TENM1: variants seen among roughly 807,000 people sequenced by gnomAD.
TENM1 encodes teneurin transmembrane protein 1, also known as teneurin-1.
TENM1 carries 35 observed loss-of-function variants against 174.8 expected under a neutral mutation model. The observed-to-expected ratio is 0.20, with a 90% CI of 0.15 to 0.27. TENM1 has a LOEUF of 0.27. Among genes scored for constraint, TENM1 ranks in the 10% least tolerant of loss-of-function variants. The pLI, the probability that TENM1 is intolerant of heterozygous loss-of-function variation, is 1.00. For missense variants in TENM1, 1,633 were observed against 2,130.1 expected (o/e 0.77, Z 4.59); for synonymous variants, 781 against 798.7 (o/e 0.98, Z 0.37).
intron 11 of TENM1, among the ~76,000 whole-genome samples, chrX:124,600,767 C>T (rs2050009061): frequency 9.0e-6 from 1 of 111,673 alleles, no homozygotes; most frequent in South Asian, 3.7e-4. Context: ...TTAGGAGTAT[C>T]AGTCATGACA....
intron 11 of TENM1, among the ~76,000 whole-genome samples, chrX:124,623,558 C>T (rs1172202792): frequency 9.0e-6 from 1 of 111,261 alleles, no homozygotes; most frequent in African/African-American, 3.3e-5. Context: ...AAATGAAGCA[C>T]CTCCCAACTG....
the TENM1 span, among the ~76,000 whole-genome samples, chrX:125,172,784 A>C: frequency 5.4e-5 from 6 of 111,637 alleles, no homozygotes; most frequent in Non-Finnish European, 9.4e-5. Context: ...TTTATGAATG[A>C]ATTATACTCT....
the TENM1 span, among the ~76,000 whole-genome samples, chrX:125,169,368 T>G: frequency 4.5e-5 from 5 of 111,464 alleles, no homozygotes; most frequent in Non-Finnish European, 9.4e-5. Context: ...TAATGTAGGA[T>G]GAAAAAAATA....
At chrX:124,561,778 G>T (rs771000422) in exon 14 of TENM1, 1 of 1,210,853 alleles carries the variant, frequency 8.3e-7, no homozygotes, top group South Asian at 1.8e-5. Context: ...TTGATCCAGG[G>T]TACATCGTCC....
At chrX:124,451,069 G>A (rs1479057171) in intron 23 of TENM1, among the ~76,000 whole-genome samples, 1 of 111,906 alleles carries the variant, frequency 8.9e-6, no homozygotes, top group Non-Finnish European at 1.9e-5. Context: ...TTTATGGAAT[G>A]TTAGAGCTGG....
At chrX:125,099,849 T>C in the TENM1 span, among the ~76,000 whole-genome samples, 4 of 112,060 alleles carry the variant, frequency 3.6e-5, no homozygotes, top group African/African-American at 1.3e-4. Flanking sequence ...ACTATGGACT[T>C]CTAAATTATC....
At chrX:124,629,059 G>C (rs927015849) in intron 11 of TENM1, among the ~76,000 whole-genome samples, 1 of 111,756 alleles carries the variant, frequency 8.9e-6, no homozygotes, top group Non-Finnish European at 1.9e-5. Flanking sequence ...GCCCTGGACT[G>C]CCTGCCTCTA....
chrX:124,934,070 T>C (rs934532182), intron 1 of TENM1, among the ~76,000 whole-genome samples: 1 of 112,289 alleles, frequency 8.9e-6, no homozygotes, highest in African/African-American at 3.2e-5. Flanking sequence ...GTGGATTACA[T>C]ATTTTCAATG....
intron 1 of TENM1, among the ~76,000 whole-genome samples, chrX:124,904,970 T>C (rs1457419009): frequency 1.8e-5 from 2 of 111,424 alleles, no homozygotes; most frequent in African/African-American, 6.5e-5. Flanking sequence ...GTAGCTCTTC[T>C]GACAGCCTGT....
At chrX:124,602,368 G>GA (rs904940526) in intron 11 of TENM1, among the ~76,000 whole-genome samples, 1 of 110,959 alleles carries the variant, frequency 9.0e-6, no homozygotes, top group Non-Finnish European at 1.9e-5. Flanking sequence ...TGGGTCTGTT[G>GA]AAAAAAACCC....
At chrX:124,714,148 AT>A (rs2053125968) in intron 4 of TENM1, among the ~76,000 whole-genome samples, 1 of 111,648 alleles carries the variant, frequency 9.0e-6, no homozygotes, top group Admixed American at 9.6e-5. Flanking sequence ...GGTAGATGAT[AT>A]TATCTGCATT....
chrX:124,926,672 C>T lies in TENM1; in HGVS notation c.218-30431G>A, dbSNP rs139976655. Among the ~76,000 whole-genome samples, 235 of 111,776 alleles carry T rather than the reference C, an allele frequency of 2.1e-3. 1 individual carries two copies. The highest frequency in any genetic ancestry group is 7.4e-3 in the African/African-American group (228 of 30,795). On this transcript the variant is annotated intron_variant, in intron 1 of 31. Coordinates refer to ENST00000422452, the Ensembl canonical transcript of TENM1. ...TTAATGATTTTAACAAATTTTAGTA[C>T]ACTGACTCCTTCCCTTTAATGAATA...
At chrX:124,880,120 TA>T (rs2057278106) in intron 3 of TENM1, among the ~76,000 whole-genome samples, 1 of 111,826 alleles carries the variant, frequency 8.9e-6, no homozygotes, top group African/African-American at 3.2e-5. Context: ...ATTGAATCTG[TA>T]GATTGTGTTG....
intron 3 of TENM1, among the ~76,000 whole-genome samples, chrX:124,755,597 A>G (rs2054211366): frequency 9.0e-6 from 1 of 111,507 alleles, no homozygotes; most frequent in Non-Finnish European, 1.9e-5. Flanking sequence ...TGGTCTTTAC[A>G]ATTTGGCATG....
chrX:124,703,519 A>G (rs1402909558), intron 5 of TENM1, among the ~76,000 whole-genome samples: 3 of 112,151 alleles, frequency 2.7e-5, no homozygotes, highest in Non-Finnish European at 5.6e-5. Flanking sequence ...GCTTGTTTAC[A>G]CCAAGGGTTA....
chrX:124,516,621 C>T (rs2047710603), intron 18 of TENM1, among the ~76,000 whole-genome samples: 1 of 111,540 alleles, frequency 9.0e-6, no homozygotes, highest in South Asian at 3.7e-4. Flanking sequence ...CACCCATCAT[C>T]AGAGAAATGC....
intron 3 of TENM1, among the ~76,000 whole-genome samples, chrX:124,844,273 C>T (rs1300099124): frequency 1.8e-5 from 2 of 112,003 alleles, no homozygotes; most frequent in Non-Finnish European, 1.9e-5. Flanking sequence ...ACTATTGTTA[C>T]CTTGTATTCC....
At chrX:124,718,514 A>G (rs2053238421) in intron 4 of TENM1, among the ~76,000 whole-genome samples, 1 of 112,555 alleles carries the variant, frequency 8.9e-6, no homozygotes, top group Non-Finnish European at 1.9e-5. Context: ...TCTCACATAG[A>G]AATGCAGGAT....
chrX:125,116,164 T>C, the TENM1 span, among the ~76,000 whole-genome samples: 1 of 111,409 alleles, frequency 9.0e-6, no homozygotes, highest in African/African-American at 3.3e-5. Flanking sequence ...TTAATAAATG[T>C]TGGGAAAATT....
Sources: allele counts gnomAD v4.1 joint callset (sites outside exome capture counted in the v4.1 genomes callset), GRCh38; gene constraint gnomAD v4.1.1; transcripts MANE v1.5; gene names NCBI Gene and HGNC (gene_info 2026-07-23, HGNC 2026-07-21).